FER: variants seen among roughly 807,000 people sequenced by gnomAD.
The protein encoded by FER is tyrosine-protein kinase Fer.
A neutral mutation model predicts 111.0 loss-of-function variants in FER; 63 were observed. The observed-to-expected ratio is 0.57, with a 90% confidence interval of 0.46 to 0.70. FER has a LOEUF of 0.70. Among genes scored for constraint, FER ranks in the 30% least tolerant of loss-of-function variants. The pLI is 0.00. For synonymous variants in FER, 327 were observed against 313.9 expected (o/e 1.04, Z -0.44); for missense variants, 914 against 954.0 (o/e 0.96, Z 0.55).
intron 2 of FER, among the ~76,000 whole-genome samples, chr5:108,774,679 G>A (rs1447006094): frequency 1.3e-5 from 2 of 151,732 alleles, no homozygotes; most frequent in Non-Finnish European, 2.9e-5. Flanking sequence ...ATGTTTGTTG[G>A]CTACATAAAT....
chr5:109,189,155 T>A lies in FER; in HGVS notation c.*1580T>A, dbSNP rs1759185406. 1 of 151,526 alleles carries A rather than the reference T, an allele frequency of 6.6e-6. No homozygotes were observed. The highest frequency in any genetic ancestry group is 1.5e-5 in the Non-Finnish European group (1 of 67,864). 9.4% of individuals were successfully genotyped at this position (151,526 alleles called of 1,614,324 possible). A position where few individuals can be genotyped will look rare whatever the true frequency, so the allele number is the denominator to read the frequency against. On this transcript the variant is annotated 3_prime_UTR_variant, in exon 20 of 20. Transcript: ENST00000281092. ...CTCACTCACTCAGTTAAAACTAGGA[T>A]TCTGTATCTTAACTCTTATCTAGGG...
chr5:109,061,578 A>G (rs1269629714), intron 16 of FER, among the ~76,000 whole-genome samples: 1 of 152,190 alleles, frequency 6.6e-6, no homozygotes, highest in African/African-American at 2.4e-5. Context: ...TAATCCTTTT[A>G]TGAAATGAAA....
chr5:109,151,482 G>T (rs796619828), intron 17 of FER, among the ~76,000 whole-genome samples: 1 of 152,182 alleles, frequency 6.6e-6, no homozygotes. Context: ...GTTAGATAAC[G>T]TGACCAGGGT....
intron 17 of FER, among the ~76,000 whole-genome samples, chr5:109,163,071 G>A (rs564069842): frequency 1.1e-4 from 16 of 152,088 alleles, no homozygotes; most frequent in African/African-American, 2.9e-4. Context: ...TTCTAAAATT[G>A]CATTTACATC....
In FER at chr5:109,065,731, A is replaced by G. The variant is rs1477036380; in HGVS notation, c.1924+18533A>G. On this transcript the variant is annotated intron_variant, in intron 16 of 19. Coordinates refer to ENST00000281092, the MANE Select transcript of FER (RefSeq NM_005246.4). ...GTCAGTGAAATGTGAAAATAATATT[A>G]GAAATTGTCATAACAAGGTTTTGTA... Among the ~76,000 whole-genome samples, 23 of 152,356 alleles carry G rather than the reference A, an allele frequency of 1.5e-4. No individual in the cohort carries two copies. In the East Asian group the frequency reaches 4.4e-3, roughly 29 times the overall value.
chr5:108,896,511 C>CATTAGTTTT (rs1749121141), intron 9 of FER, among the ~76,000 whole-genome samples: 2 of 152,098 alleles, frequency 1.3e-5, no homozygotes, highest in African/African-American at 4.8e-5. Flanking sequence ...CTAGGTCTCT[C>CATTAGTTTT]ACAAATGTTC....
intron 18 of FER, among the ~76,000 whole-genome samples, chr5:109,183,166 C>G (rs1308801185): frequency 2.0e-5 from 3 of 151,650 alleles, no homozygotes; most frequent in Admixed American, 6.6e-5. Flanking sequence ...CTGAAAGACT[C>G]TACAAGCCTT....
chr5:108,918,677 C>T (rs1001342790), intron 10 of FER, among the ~76,000 whole-genome samples: 5 of 151,910 alleles, frequency 3.3e-5, no homozygotes, highest in Admixed American at 1.3e-4. Flanking sequence ...TTACTAGAGA[C>T]GGGGTTTCAC....
intron 3 of FER, among the ~76,000 whole-genome samples, chr5:108,827,718 A>G (rs1759617492): frequency 6.7e-6 from 1 of 149,346 alleles, no homozygotes; most frequent in Admixed American, 6.7e-5. Flanking sequence ...TTTCATACGT[A>G]TTGCATATAG....
At chr5:108,997,024 A>G (rs1417690430) in intron 13 of FER, among the ~76,000 whole-genome samples, 2 of 152,036 alleles carry the variant, frequency 1.3e-5, no homozygotes, top group African/African-American at 4.8e-5. Flanking sequence ...CTTTGTAGCA[A>G]TTGTGAATGG....
intron 13 of FER, among the ~76,000 whole-genome samples, chr5:108,975,626 G>A (rs189327424): frequency 3.3e-5 from 5 of 152,030 alleles, no homozygotes; most frequent in Admixed American, 2.0e-4. Flanking sequence ...TATTTTCTAC[G>A]GATAATTATG....
At chr5:108,905,144 G>A (rs938354112) in intron 10 of FER, among the ~76,000 whole-genome samples, 19 of 152,026 alleles carry the variant, frequency 1.2e-4, no homozygotes, top group Non-Finnish European at 2.2e-4. Context: ...GCCAATGGAT[G>A]ATGCCAGAAA....
At chr5:109,003,490 T>C (rs1291467618) in intron 13 of FER, among the ~76,000 whole-genome samples, 5 of 152,016 alleles carry the variant, frequency 3.3e-5, no homozygotes, top group African/African-American at 7.3e-5. Context: ...CGGGGAGGGA[T>C]AGCAATTGGA....
At chr5:108,824,663 T>G (rs1171050311) in intron 3 of FER, among the ~76,000 whole-genome samples, 1 of 152,160 alleles carries the variant, frequency 6.6e-6, no homozygotes, top group Non-Finnish European at 1.5e-5. Context: ...AAATAAATTT[T>G]AAAAAAGAAA....
intron 3 of FER, chr5:108,819,680 G>A: frequency 2.0e-6 from 1 of 491,174 alleles, no homozygotes; most frequent in Non-Finnish European, 2.6e-6. Context: ...AGCTTTAATA[G>A]GAGTCAGGTT....
intron 9 of FER, among the ~76,000 whole-genome samples, chr5:108,892,740 C>T (rs538102961): frequency 2.6e-5 from 4 of 152,254 alleles, no homozygotes; most frequent in Admixed American, 6.5e-5. Context: ...GAAGTCCTTG[C>T]CCATGCCTAT....
At chr5:109,146,207 A>ATCTG (rs369449905) in intron 17 of FER, among the ~76,000 whole-genome samples, 4,713 of 70,576 alleles carry the variant, frequency 0.067, 281 homozygotes, top group South Asian at 0.13. Flanking sequence ...TAATCTATCT[A>ATCTG]TTTTATATAT....
At chr5:108,872,491 T>C (rs1764694732) in intron 8 of FER, among the ~76,000 whole-genome samples, 1 of 152,138 alleles carries the variant, frequency 6.6e-6, no homozygotes, top group Non-Finnish European at 1.5e-5. Context: ...AATTTATATA[T>C]ATATTAAAAT....
At chr5:109,032,244 G>C (rs1231245522) in intron 13 of FER, among the ~76,000 whole-genome samples, 1 of 152,160 alleles carries the variant, frequency 6.6e-6, no homozygotes, top group Non-Finnish European at 1.5e-5. Context: ...AGAGAGAAGA[G>C]AGCTAATGTT....
Sources: allele counts gnomAD v4.1 joint callset (sites outside exome capture counted in the v4.1 genomes callset), GRCh38; gene constraint gnomAD v4.1.1; transcripts MANE v1.5; gene names NCBI Gene and HGNC (gene_info 2026-07-23, HGNC 2026-07-21).